Variants in KRT20 observed in about 807,000 individuals in gnomAD.
The protein encoded by KRT20 is keratin 20.
KRT20 carries 41 observed loss-of-function variants against 43.0 expected under a neutral mutation model. The observed-to-expected ratio is 0.95, with a 90% CI of 0.74 to 1.24. The LOEUF (loss-of-function observed/expected upper bound fraction) is 1.24, where lower values mean the gene tolerates loss of function less well. Among genes scored for constraint, KRT20 ranks in the 50% most tolerant of loss-of-function variants. KRT20 has a pLI of 0.00. For missense variants in KRT20, 533 were observed against 521.2 expected (o/e 1.02, Z -0.22); for synonymous variants, 207 against 200.6 (o/e 1.03, Z -0.27).
chr17:40,877,274 A>C (rs757940001), intron 7 of KRT20, 106 bp downstream of exon 7: 13 of 751,516 alleles, frequency 1.7e-5, no homozygotes, highest in Non-Finnish European at 2.9e-5. Context: ...CTGTCACAGC[A>C]GCAGAAAACA....
At chr17:40,880,522 C>A (rs1907547764) in intron 3 of KRT20, 92 bp downstream of exon 3, 1 of 1,113,504 alleles carries the variant, frequency 9.0e-7, no homozygotes, top group Non-Finnish European at 1.3e-6. Context: ...ACCAACTCTT[C>A]CCCCTTCTCC....
chr17:40,880,365 A>G, intron 3 of KRT20, 104 bp from the exon 4 acceptor site: 1 of 1,096,290 alleles, frequency 9.1e-7, no homozygotes, highest in South Asian at 1.6e-5. Context: ...CATTGGGAAT[A>G]AGTAAAAAAG....
intron 6 of KRT20, 94 bp from the exon 7 acceptor site, chr17:40,877,511 CAA>C: frequency 1.4e-6 from 1 of 723,016 alleles, no homozygotes; most frequent in Non-Finnish European, 2.2e-6. Context: ...TTTTATATTT[CAA>C]AGTCCAAGTG....
rs1373871047 is a variant in KRT20, at chr17:40,876,102, T to C, written c.*259A>G. ...AGCTTGTAATTGATGTGCTTCATGA[T>C]AAAGATGGCAGTAATGATGTTTTAA... On this transcript the variant is annotated 3_prime_UTR_variant, in exon 8 of 8. Coordinates refer to ENST00000167588, the MANE Select transcript of KRT20 (RefSeq NM_019010.3). 7 of 346,188 alleles carry C rather than the reference T, an allele frequency of 2.0e-5. No individual in the cohort carries two copies. Among genetic ancestry groups the C allele is most frequent in the Admixed American group, 1.3e-4 (3 of 23,212 alleles). The allele number at this position is 346,188 out of a possible 1,614,324, so 21.4% of individuals were successfully genotyped here. A position where few individuals can be genotyped will look rare whatever the true frequency, so the allele number is the denominator to read the frequency against.
chr17:40,885,174 A>T lies in KRT20; in HGVS notation c.12T>A (p.Ser4Arg). 6.2e-7 allele frequency: 1 copy of T among 1,600,372 alleles called. No individual in the cohort carries two copies. The highest frequency in any genetic ancestry group is 1.1e-5 in the South Asian group (1 of 90,588). MDF[S>R]RRSFHRSLSS... ...TCAGGCTTCTGTGGAAGCTTCTGCG[A>T]CTGAAATCCATTGGAGATTCCAGGA... The change falls in exon 1 of 8, where the codon AGT becomes AGA. Residue 4 changes from serine to arginine, a missense_variant. Transcript: ENST00000167588.
At chr17:40,878,585 C>G (rs1234388158) in intron 5 of KRT20, among the ~76,000 whole-genome samples, 2 of 152,164 alleles carry the variant, frequency 1.3e-5, no homozygotes, top group Non-Finnish European at 2.9e-5. Flanking sequence ...TTTGCACCTA[C>G]TGTTCTTTCA....
intron 5 of KRT20, among the ~76,000 whole-genome samples, chr17:40,879,135 C>T (rs1270869582): frequency 2.0e-5 from 3 of 152,176 alleles, no homozygotes; most frequent in African/African-American, 7.2e-5. Flanking sequence ...TTTCTTTCTG[C>T]CAGGACACTG....
intron 5 of KRT20, among the ~76,000 whole-genome samples, chr17:40,878,584 A>G (rs1907453110): frequency 6.6e-6 from 1 of 151,964 alleles, no homozygotes; most frequent in Non-Finnish European, 1.5e-5. Context: ...CTTTGCACCT[A>G]CTGTTCTTTC....
intron 3 of KRT20, 69 bp from the exon 4 acceptor site, chr17:40,880,330 A>G (rs976247305): frequency 7.3e-5 from 102 of 1,405,914 alleles, no homozygotes; most frequent in Middle Eastern, 3.7e-4. Flanking sequence ...GGCAGAAAAG[A>G]CATAAGGAGT....
At chr17:40,882,876 AT>A (rs1264991567) in intron 1 of KRT20, among the ~76,000 whole-genome samples, 1 of 151,912 alleles carries the variant, frequency 6.6e-6, no homozygotes, top group African/African-American at 2.4e-5. Flanking sequence ...TGCCCGGCTA[AT>A]TTTTGCATTT....
At position 40,877,433 on chromosome 17, in the gene KRT20, A is replaced by G; in HGVS notation, c.1140-16T>C. ...TTCTGTAGTTCTGTTTTTTTTTTTA[A>G]TGAAAAGAAGAAAAAAGAAACAGAA... On this transcript the variant is annotated splice_polypyrimidine_tract_variant and intron_variant, in intron 6 of 7. Transcript: ENST00000167588. The G allele has an allele frequency of 6.9e-7, 1 of 1,442,790 alleles. No homozygotes were observed. The highest frequency in any genetic ancestry group is 9.3e-7 in the Non-Finnish European group (1 of 1,078,752). The allele number at this position is 1,442,790 out of a possible 1,614,324, so 89.4% of individuals were successfully genotyped here. A position where few individuals can be genotyped will look rare whatever the true frequency, so the allele number is the denominator to read the frequency against.
At chr17:40,881,879 C>T (rs1597852646) in intron 2 of KRT20, among the ~76,000 whole-genome samples, 3 of 146,262 alleles carry the variant, frequency 2.1e-5, no homozygotes, top group Admixed American at 6.8e-5. Flanking sequence ...TTCTTTCTTC[C>T]TTTTTTTTTT....
chr17:40,882,636 G>C lies in KRT20; in HGVS notation c.409C>G (p.Gln137Glu). Residue 137 changes from glutamine (Q) to glutamate (E), a missense_variant, in exon 2 of 8, where the codon CAA (glutamine) becomes GAA (glutamate). Transcript: ENST00000167588. Reference protein sequence around the residue: ...LRSQIKDAQLQNARCVLQIDN... With the variant: ...LRSQIKDAQLENARCVLQIDN... ...ATTTGCAGGACACACCGAGCATTTT[G>C]CAGTTGAGCATCCTTAATCTGGAAA... 1 of 1,546,610 alleles carries C rather than the reference G, an allele frequency of 6.5e-7. No individual in the cohort carries two copies. Among genetic ancestry groups the C allele is most frequent in the Non-Finnish European group, 8.8e-7 (1 of 1,142,374 alleles).
rs760770162 is a variant in KRT20 at position 40,884,833 on chromosome 17, C to T, written c.353G>A (p.Ser118Asn). 65 of 1,614,062 alleles carry T rather than the reference C, an allele frequency of 4.0e-5. No individual in the cohort carries two copies. The highest frequency in any genetic ancestry group is 5.3e-5 in the Non-Finnish European group (63 of 1,180,036). Residue 118 changes from serine (S) to asparagine (N), a missense_variant, in exon 1 of 8, where the codon AGT becomes AAT. By Grantham distance (46) the Ser-to-Asn change is conservative. Transcript: ENST00000167588. ...CTCTTCAATTTGTCTGTAATATGCA[C>T]TGTAGTCGCGACCAGCCCTCGGGGC... is the stretch of plus-strand genomic sequence containing the variant. The part of the protein sequence containing the change: ...TNAPRAGRDY[S>N]AYYRQIEELR...
chr17:40,884,737 A>G (rs1362135881), intron 1 of KRT20, 59 bp downstream of exon 1: 12 of 1,546,436 alleles, frequency 7.8e-6, no homozygotes, highest in Non-Finnish European at 9.6e-6. Flanking sequence ...AACATAGATA[A>G]CCTCTTGATT....
rs8077284 is a variant in KRT20, at chr17:40,876,117, T to C, written c.*244A>G. ...TGCTTCATGATAAAGATGGCAGTAA[T>C]GATGTTTTAAATATTCTAGTGCTCA... On this transcript the variant is annotated 3_prime_UTR_variant, in exon 8 of 8. Coordinates refer to ENST00000167588, the MANE Select transcript of KRT20 (RefSeq NM_019010.3). The C allele has an allele frequency of 1.2e-3, 471 of 383,004 alleles. 3 individuals are homozygous for C. Among genetic ancestry groups the C allele is most frequent in the African/African-American group, 8.8e-3 (436 of 49,314 alleles). The allele number at this position is 383,004 out of a possible 1,614,324, so 23.7% of individuals were successfully genotyped here.
At chr17:40,876,925 T>C (rs1816909446) in intron 7 of KRT20, among the ~76,000 whole-genome samples, 1 of 152,192 alleles carries the variant, frequency 6.6e-6, no homozygotes, top group South Asian at 2.1e-4. Context: ...CTGGAGTTCA[T>C]GTGTGGAAAA....
intron 7 of KRT20, among the ~76,000 whole-genome samples, chr17:40,877,049 T>C (rs934293544): frequency 2.0e-5 from 3 of 152,174 alleles, no homozygotes; most frequent in Admixed American, 1.3e-4. Flanking sequence ...ATGGGTTAGT[T>C]ATTGTGAGAG....
At position 40,878,256 on chromosome 17, in the gene KRT20, C is replaced by T. The variant is rs755319720; in HGVS notation, c.1028G>A (p.Arg343Gln). The change falls in exon 6 of 8, where the codon CGG becomes CAG. Residue 343 changes from arginine to glutamine, a missense_variant. Transcript: ENST00000167588. The part of the protein sequence containing the change: ...SSLEAQLMQI[R>Q]SNMERQNNEY... ...GTTGTTCTGGCGTTCCATGTTACTC[C>T]GAATCTGCATCAGTTGGGCCTCCAG... 1.1e-5 allele frequency: 17 copies of T among 1,613,822 alleles called. No individual in the cohort carries two copies. The highest frequency in any genetic ancestry group is 6.7e-5 in the African/African-American group (5 of 74,836).
Sources: allele counts gnomAD v4.1 joint callset (sites outside exome capture counted in the v4.1 genomes callset), GRCh38; gene constraint gnomAD v4.1.1; transcripts MANE v1.5; gene names NCBI Gene and HGNC (gene_info 2026-07-23, HGNC 2026-07-21).